The following WDR7 variants were observed in gnomAD, a reference collection of about 807,000 sequenced individuals.
WDR7 encodes the protein WD repeat domain 7, also known as WD repeat-containing protein 7.
A neutral mutation model predicts 169.4 loss-of-function variants in WDR7; 46 were observed. The observed-to-expected ratio is 0.27, with a 90% CI of 0.21 to 0.35. The LOEUF is 0.35. Among genes scored for constraint, WDR7 ranks in the 10% least tolerant of loss-of-function variants. WDR7 has a pLI of 1.00. For missense variants in WDR7, 1,534 were observed against 1,859.3 expected (o/e 0.83, Z 3.22); for synonymous variants, 612 against 666.8 (o/e 0.92, Z 1.27).
At chr18:56,717,813 A>G (rs1347039137) in intron 12 of WDR7, 151 bp from the exon 13 acceptor site, 13 of 607,406 alleles carry the variant, frequency 2.1e-5, no homozygotes, top group Admixed American at 3.7e-5. Flanking sequence ...TGTATAATAT[A>G]AAGGAACATA....
chr18:56,838,939 TAAA>T (rs1214785740), intron 20 of WDR7, among the ~76,000 whole-genome samples: 3 of 152,168 alleles, frequency 2.0e-5, no homozygotes, highest in African/African-American at 7.2e-5. Flanking sequence ...TACTTTCAAA[TAAA>T]AACTGTGTAT....
intron 20 of WDR7, among the ~76,000 whole-genome samples, chr18:56,824,501 G>A (rs2045161659): frequency 6.6e-6 from 1 of 152,066 alleles, no homozygotes; most frequent in African/African-American, 2.4e-5. Flanking sequence ...TAATCCATAA[G>A]GTTACTCATA....
intron 2 of WDR7, among the ~76,000 whole-genome samples, chr18:56,675,713 G>A (rs2144540648): frequency 6.6e-6 from 1 of 151,852 alleles, no homozygotes; most frequent in South Asian, 2.1e-4. Flanking sequence ...TTTGCCTAAT[G>A]TTCCTGGATG....
intron 14 of WDR7, among the ~76,000 whole-genome samples, chr18:56,735,060 G>T (rs1195764975): frequency 1.3e-5 from 2 of 152,134 alleles, no homozygotes; most frequent in Non-Finnish European, 2.9e-5. Context: ...ACTTTTGATT[G>T]CTTAAGAAAT....
At chr18:56,775,100 A>G (rs1197540025) in intron 16 of WDR7, among the ~76,000 whole-genome samples, 1 of 152,030 alleles carries the variant, frequency 6.6e-6, no homozygotes, top group Non-Finnish European at 1.5e-5. Flanking sequence ...GACTTATTTG[A>G]CTTGTGTTAG....
At chr18:56,777,439 G>A (rs186484252) in intron 17 of WDR7, among the ~76,000 whole-genome samples, 140 of 152,202 alleles carry the variant, frequency 9.2e-4, no homozygotes, top group Non-Finnish European at 1.2e-3. Flanking sequence ...TATTTAAGGC[G>A]TAGTTGGGCT....
intron 25 of WDR7, among the ~76,000 whole-genome samples, chr18:56,950,574 A>G (rs1170934792): frequency 6.6e-6 from 1 of 152,170 alleles, no homozygotes; most frequent in Non-Finnish European, 1.5e-5. Context: ...ATCATGAAAC[A>G]TATTTTTTCT....
chr18:56,976,450 G>A (rs17090456), intron 26 of WDR7, among the ~76,000 whole-genome samples: 3,301 of 152,232 alleles, frequency 0.022, 116 homozygotes, highest in African/African-American at 0.073. Context: ...CATTTCATCT[G>A]CAAAGTAATA....
At chr18:56,811,134 T>A (rs940158367) in intron 19 of WDR7, among the ~76,000 whole-genome samples, 1 of 152,234 alleles carries the variant, frequency 6.6e-6, no homozygotes, top group Admixed American at 6.5e-5. Flanking sequence ...TTCTTTGTAT[T>A]GCTATATAAT....
At chr18:56,676,671 A>G (rs1400675130) in intron 2 of WDR7, among the ~76,000 whole-genome samples, 1 of 151,838 alleles carries the variant, frequency 6.6e-6, no homozygotes, top group Non-Finnish European at 1.5e-5. Context: ...TAAAGACTCT[A>G]CACCTTAACT....
At chr18:56,832,830 A>C (rs2045336621) in intron 20 of WDR7, among the ~76,000 whole-genome samples, 1 of 152,156 alleles carries the variant, frequency 6.6e-6, no homozygotes, top group Non-Finnish European at 1.5e-5. Flanking sequence ...ACCCCATCTG[A>C]AGGTCACCAA....
rs533248809 is a variant in WDR7 at position 56,854,049 on chromosome 18, G to C, written c.3305-25895G>C. Among the ~76,000 whole-genome samples, 3 of 152,300 alleles carry C rather than the reference G, an allele frequency of 2.0e-5. No homozygotes were observed. The East Asian group carries it at 5.8e-4, about 29-fold the overall frequency. On this transcript the variant is annotated intron_variant, in intron 20 of 27. Coordinates refer to ENST00000254442, the MANE Select transcript of WDR7 (RefSeq NM_015285.3). The stretch of plus-strand genomic sequence containing the variant: ...TACATATAATTTTCTCTTGAGTAGT[G>C]AGTGGAAAAAACTGGTTTTCCTTTG...
chr18:56,778,058 T>C (rs2044266269), intron 17 of WDR7, among the ~76,000 whole-genome samples: 2 of 152,186 alleles, frequency 1.3e-5, no homozygotes, highest in Admixed American at 6.5e-5. Context: ...TTACTAGGTA[T>C]ATACATATAT....
intron 19 of WDR7, among the ~76,000 whole-genome samples, chr18:56,788,639 CTT>C (rs895808592): frequency 6.6e-5 from 10 of 152,016 alleles, no homozygotes; most frequent in African/African-American, 2.2e-4. Flanking sequence ...TTCTGGATGT[CTT>C]TTCTTTTTGA....
chr18:56,713,518 CATAA>C (rs1364166710), intron 12 of WDR7, among the ~76,000 whole-genome samples: 3 of 152,072 alleles, frequency 2.0e-5, no homozygotes, highest in Non-Finnish European at 4.4e-5. Context: ...TAATTTGAGG[CATAA>C]ATATTTTTCA....
At chr18:56,915,969 C>T (rs1226609333) in intron 21 of WDR7, among the ~76,000 whole-genome samples, 1 of 152,186 alleles carries the variant, frequency 6.6e-6, no homozygotes, top group African/African-American at 2.4e-5. Flanking sequence ...TCAGCCTCCT[C>T]AGTAATCCAC....
chr18:56,743,711 A>T (rs2043655798), intron 14 of WDR7, among the ~76,000 whole-genome samples: 1 of 152,208 alleles, frequency 6.6e-6, no homozygotes, highest in East Asian at 1.9e-4. Context: ...TGTGTGTATG[A>T]GAAGAGAAGG....
intron 19 of WDR7, among the ~76,000 whole-genome samples, chr18:56,794,051 T>G (rs559489178): frequency 4.7e-4 from 71 of 152,274 alleles, no homozygotes; most frequent in Middle Eastern, 3.4e-3. Flanking sequence ...AGAGACTGGT[T>G]TTGGATAAAA....
At chr18:56,989,244 T>TGGCTAATA (rs1335363929) in intron 26 of WDR7, among the ~76,000 whole-genome samples, 3 of 152,246 alleles carry the variant, frequency 2.0e-5, no homozygotes, top group African/African-American at 7.2e-5. Context: ...TAGCCATATG[T>TGGCTAATA]GGCTAATAAG....
Sources: gnomAD v4.1 joint callset for allele counts (sites outside exome capture counted in the v4.1 genomes callset) on GRCh38, gnomAD v4.1.1 for gene constraint, MANE v1.5 for transcripts, NCBI Gene and HGNC (gene_info 2026-07-23, HGNC 2026-07-21) for gene names.